The following NLRP8 variants were observed in gnomAD, a reference collection of about 807,000 sequenced individuals.
NLRP8 encodes the protein NLR family pyrin domain containing 8.
In NLRP8, 86 loss-of-function variants were observed where a neutral mutation model predicts 88.7. The observed-to-expected ratio is 0.97, with a 90% confidence interval of 0.81 to 1.16. The LOEUF (loss-of-function observed/expected upper bound fraction) is 1.16, where lower values mean the gene tolerates loss of function less well. Ranked by LOEUF, NLRP8 falls within the 50% of genes most tolerant of loss-of-function variation. The probability of loss-of-function intolerance (pLI) is 0.00; values close to 1 mark genes in which losing one functional copy is unlikely to be tolerated. For synonymous variants in NLRP8, 504 were observed against 494.6 expected (o/e 1.02, Z -0.25); for missense variants, 1,342 against 1,286.5 (o/e 1.04, Z -0.66).
chr19:55,954,100 G>T (rs983913691), intron 2 of NLRP8, among the ~76,000 whole-genome samples: 2 of 152,012 alleles, frequency 1.3e-5, no homozygotes, highest in Admixed American at 1.3e-4. Context: ...GCCACACCCG[G>T]CCCTCCCAAG....
chr19:55,955,638 T>G lies in NLRP8; in HGVS notation c.1580T>G (p.Leu527Arg). The change falls in exon 3 of 10, where the codon CTC becomes CGC. Residue 527 changes from leucine to arginine, a missense_variant. Coordinates refer to ENST00000291971, the MANE Select transcript of NLRP8 (RefSeq NM_176811.2). ...TATGTTCTCTGTTTCCCACAAAGAC[T>G]CAAAAATTTTCATGTGTTGAGCCAC... 6.2e-7 allele frequency: 1 copy of G among 1,614,170 alleles called. No homozygotes were observed. Among genetic ancestry groups the G allele is most frequent in the Non-Finnish European group, 8.5e-7 (1 of 1,180,022 alleles).
At chr19:55,959,519 A>ATTT (rs10645776) in intron 3 of NLRP8, among the ~76,000 whole-genome samples, 6 of 151,590 alleles carry the variant, frequency 4.0e-5, no homozygotes, top group South Asian at 4.2e-4. Flanking sequence ...GCCAGGGTGT[A>ATTT]TTTTTTTAAA....
intron 1 of NLRP8, among the ~76,000 whole-genome samples, chr19:55,949,952 A>G (rs896076621): frequency 6.6e-6 from 1 of 152,178 alleles, no homozygotes; most frequent in Non-Finnish European, 1.5e-5. Context: ...TGAGGAAATG[A>G]TGCTAAGGTT....
At chr19:55,975,141 G>T (rs544435254) in intron 7 of NLRP8, among the ~76,000 whole-genome samples, 2 of 152,114 alleles carry the variant, frequency 1.3e-5, no homozygotes, top group African/African-American at 2.4e-5. Flanking sequence ...CATAACCATC[G>T]AATCCCCTCT....
At chr19:55,980,057 A>G (rs905251983) in intron 9 of NLRP8, among the ~76,000 whole-genome samples, 4 of 152,196 alleles carry the variant, frequency 2.6e-5, no homozygotes, top group African/African-American at 7.2e-5. Context: ...ACCTAAAGGA[A>G]CCATTAACTG....
At chr19:55,973,238 T>C (rs934948973) in intron 6 of NLRP8, among the ~76,000 whole-genome samples, 38 of 152,226 alleles carry the variant, frequency 2.5e-4, no homozygotes, top group African/African-American at 8.0e-4. Flanking sequence ...TTTTGGCCAT[T>C]TGTGTATCTT....
intron 4 of NLRP8, among the ~76,000 whole-genome samples, chr19:55,965,466 A>AT (rs1979794245): frequency 6.6e-6 from 1 of 151,836 alleles, no homozygotes; most frequent in African/African-American, 2.4e-5. Context: ...AAAAAAAAAA[A>AT]GCTAAGCTTT....
rs1333943026 is a variant in NLRP8, at chr19:55,955,701, G to T, written c.1643G>T (p.Ser548Ile). Residue 548 changes from serine (S) to isoleucine (I), a missense_variant, in exon 3 of 10, where the codon AGC becomes ATC. Coordinates refer to ENST00000291971, the MANE Select transcript of NLRP8 (RefSeq NM_176811.2). ...CGCCTGATAGCGAGTCCCAGAGGAAGCAAAAGCTATCTCTCTCACATGGGA... is the reference window on the plus strand; with the variant it reads ...CGCCTGATAGCGAGTCCCAGAGGAATCAAAAGCTATCTCTCTCACATGGGA... 2 of 1,613,956 alleles carry T rather than the reference G, an allele frequency of 1.2e-6. No individual in the cohort carries two copies. The highest frequency in any genetic ancestry group is 2.7e-5 in the African/African-American group (2 of 74,938).
At chr19:55,967,566 A>G (rs999562829) in intron 5 of NLRP8, among the ~76,000 whole-genome samples, 7 of 152,196 alleles carry the variant, frequency 4.6e-5, no homozygotes, top group Non-Finnish European at 1.0e-4. Flanking sequence ...CATTGTGTAT[A>G]TGTACCACAT....
chr19:55,987,203 C>T (rs1343313191), intron 9 of NLRP8, among the ~76,000 whole-genome samples: 1 of 152,096 alleles, frequency 6.6e-6, no homozygotes, highest in African/African-American at 2.4e-5. Flanking sequence ...ATCCTCATCT[C>T]TAATAAAAGT....
At chr19:55,965,173 G>A (rs923071264) in intron 4 of NLRP8, among the ~76,000 whole-genome samples, 2 of 152,054 alleles carry the variant, frequency 1.3e-5, no homozygotes, top group African/African-American at 4.8e-5. Flanking sequence ...TTTGTAGGCC[G>A]GGTGTGGTGG....
At chr19:55,986,961 G>C (rs111612917) in intron 9 of NLRP8, among the ~76,000 whole-genome samples, 5 of 152,302 alleles carry the variant, frequency 3.3e-5, no homozygotes, top group African/African-American at 1.2e-4. Context: ...AGGATTCCTT[G>C]AAAGAACAAA....
intron 9 of NLRP8, among the ~76,000 whole-genome samples, chr19:55,986,932 G>A (rs1980871651): frequency 6.6e-6 from 1 of 152,168 alleles, no homozygotes; most frequent in Non-Finnish European, 1.5e-5. Flanking sequence ...CCTTCTGGCT[G>A]CTCAAAGCCC....
rs768269977 is a variant in NLRP8 at position 55,973,854 on chromosome 19, C to A, written c.2705+32C>A. 3 of 1,593,460 alleles carry A rather than the reference C, an allele frequency of 1.9e-6. No individual in the cohort carries two copies. In the African/African-American group the frequency reaches 4.0e-5, roughly 21 times the overall value. On this transcript the variant is annotated intron_variant, in intron 7 of 9. Coordinates refer to ENST00000291971, the MANE Select transcript of NLRP8 (RefSeq NM_176811.2). ...CCCAGAATGTTTTCTTCTCTGAATT[C>A]CCTGGAGCAGAACAGGGTGATGAAG...
At chr19:55,960,378 T>G (rs1979555173) in intron 3 of NLRP8, among the ~76,000 whole-genome samples, 1 of 152,162 alleles carries the variant, frequency 6.6e-6, no homozygotes, top group African/African-American at 2.4e-5. Context: ...TCCAACACAT[T>G]CCACAAAATC....
At chr19:55,971,439 C>CAAAAA (rs34787079) in intron 6 of NLRP8, among the ~76,000 whole-genome samples, 1 of 87,016 alleles carries the variant, frequency 1.1e-5, no homozygotes, top group Non-Finnish European at 2.3e-5. Flanking sequence ...AGACTCGTCT[C>CAAAAA]AAAAAAAAAA....
At chr19:55,961,139 G>A (rs769859666) in intron 3 of NLRP8, among the ~76,000 whole-genome samples, 1 of 151,982 alleles carries the variant, frequency 6.6e-6, no homozygotes, top group Non-Finnish European at 1.5e-5. Context: ...TCCTGGCCTG[G>A]TGATCCGCCT....
At chr19:55,967,636 A>T (rs1979903217) in intron 5 of NLRP8, among the ~76,000 whole-genome samples, 1 of 152,152 alleles carries the variant, frequency 6.6e-6, no homozygotes, top group South Asian at 2.1e-4. Context: ...TTAGCTATTG[A>T]GAGCAGAGCT....
At position 55,973,602 on chromosome 19, in the gene NLRP8, G is replaced by A. The variant is rs115012618; in HGVS notation, c.2535-50G>A. The A allele has an allele frequency of 1.5e-5, 22 of 1,504,446 alleles. No individual in the cohort carries two copies. In the Admixed American group the frequency reaches 4.3e-4, roughly 29 times the overall value. 93.2% of individuals were successfully genotyped at this position (1,504,446 alleles called of 1,614,324 possible). A position where few individuals can be genotyped will look rare whatever the true frequency, so the allele number is the denominator to read the frequency against. ...GACTGAGAAGATCACCCTTCTGTGT[G>A]AGACAAAGACCCCTCTCCATTCAGT... is the stretch of plus-strand genomic sequence containing the variant. On this transcript the variant is annotated intron_variant, in intron 6 of 9. Transcript: ENST00000291971.
Sources: allele counts gnomAD v4.1 joint callset (sites outside exome capture counted in the v4.1 genomes callset), GRCh38; gene constraint gnomAD v4.1.1; transcripts MANE v1.5; gene names NCBI Gene and HGNC (gene_info 2026-07-23, HGNC 2026-07-21).